ZNF592: variants seen among roughly 807,000 people sequenced by gnomAD.
ZNF592 encodes the protein spinocerebellar ataxia, autosomal recessive 5.
In ZNF592, 11 loss-of-function variants were observed where a neutral mutation model predicts 80.3. The observed-to-expected ratio is 0.14, with a 90% CI of 0.09 to 0.23. The LOEUF is 0.23. Among genes scored for constraint, ZNF592 ranks in the 10% least tolerant of loss-of-function variants. The pLI is 1.00. For synonymous variants in ZNF592, 646 were observed against 640.3 expected (o/e 1.01, Z -0.13); for missense variants, 1,420 against 1,633.9 (o/e 0.87, Z 2.26).
At chr15:84,778,658 A>G (rs777071749) in intron 3 of ZNF592, among the ~76,000 whole-genome samples, 51 of 152,172 alleles carry the variant, frequency 3.4e-4, no homozygotes, top group Non-Finnish European at 6.5e-4. Context: ...AGGCTTCCCA[A>G]TGACCCCTTT....
chr15:84,767,386 G>A (rs67784785), intron 2 of ZNF592, among the ~76,000 whole-genome samples: 8,919 of 152,094 alleles, frequency 0.059, 325 homozygotes, highest in African/African-American at 0.074. Flanking sequence ...GCAGGTCTGA[G>A]GCTGCTGGCT....
In ZNF592 at chr15:84,784,358, C is replaced by T. The variant is rs1321687640; in HGVS notation, c.1683C>T (p.Ser561=). Residue 561 remains serine, a synonymous_variant, in exon 4 of 11, where the codon AGC becomes AGT. Coordinates refer to ENST00000560079, the MANE Select transcript of ZNF592 (RefSeq NM_014630.3). This position sits in a 1 kb window ranked among gnomAD's most constrained non-coding sequence, Gnocchi z 5.8. ...AGGTCTTCAACAAGGTCCTTCACAGCTCCAACCCCGTGCCCCTCTATGCGC... is the reference window on the plus strand; with the variant it reads ...AGGTCTTCAACAAGGTCCTTCACAGTTCCAACCCCGTGCCCCTCTATGCGC... The part of the protein sequence containing the change: ...IVEVFNKVLH[S]SNPVPLYAPN... The T allele has an allele frequency of 6.2e-7, 1 of 1,614,222 alleles. No homozygotes were observed. Among genetic ancestry groups the T allele is most frequent in the Non-Finnish European group, 8.5e-7 (1 of 1,180,046 alleles).
intron 1 of ZNF592, among the ~76,000 whole-genome samples, chr15:84,763,208 G>T (rs567579150): frequency 3.3e-5 from 5 of 152,324 alleles, no homozygotes; most frequent in Admixed American, 3.3e-4. Context: ...TCCTTGTGCA[G>T]TGTGAAGAGT....
At chr15:84,758,103 G>T (rs182304117) in intron 1 of ZNF592, among the ~76,000 whole-genome samples, 1 of 151,820 alleles carries the variant, frequency 6.6e-6, no homozygotes, top group East Asian at 1.9e-4. Context: ...CTCCCGAGTA[G>T]CTGGGACTAC....
chr15:84,785,616 A>C (rs117410534), intron 4 of ZNF592, among the ~76,000 whole-genome samples: 1,994 of 152,252 alleles, frequency 0.013, 21 homozygotes, highest in African/African-American at 0.026. Flanking sequence ...CCAGCCAAAG[A>C]ACTGTGTCTT....
At chr15:84,774,858 G>A (rs548621679) in intron 2 of ZNF592, among the ~76,000 whole-genome samples, 1 of 152,160 alleles carries the variant, frequency 6.6e-6, no homozygotes, top group East Asian at 1.9e-4. Context: ...TCGGCTCACT[G>A]TAACCTCTGC....
intron 3 of ZNF592, among the ~76,000 whole-genome samples, chr15:84,779,019 A>G (rs1414561930): frequency 6.6e-6 from 1 of 152,188 alleles, no homozygotes; most frequent in East Asian, 1.9e-4. Context: ...TAAGGAGTGG[A>G]GCATTTAATA....
Position 84,784,562 on chromosome 15 carries a change from G to A in ZNF592, c.1887G>A (p.Lys629=), listed in dbSNP as rs953532142. Residue 629 remains lysine, a synonymous_variant, in exon 4 of 11, where the codon AAG becomes AAA. Coordinates refer to ENST00000560079, the MANE Select transcript of ZNF592 (RefSeq NM_014630.3). This position sits in a 1 kb window ranked among gnomAD's most constrained non-coding sequence, Gnocchi z 5.8. The part of the protein sequence containing the change: ...LCSKTLLFFN[K]CSLLRHARDH... ...CCAAGACGCTGCTCTTCTTCAACAAGTGCAGCCTGCTCCGGCACGCCCGTG... is the reference window on the plus strand; with the variant it reads ...CCAAGACGCTGCTCTTCTTCAACAAATGCAGCCTGCTCCGGCACGCCCGTG... 1.2e-6 allele frequency: 2 copies of A among 1,614,212 alleles called. No individual in the cohort carries two copies. Among genetic ancestry groups the A allele is most frequent in the Non-Finnish European group, 1.7e-6 (2 of 1,180,044 alleles).
At chr15:84,770,613 C>T (rs1899670704) in intron 2 of ZNF592, among the ~76,000 whole-genome samples, 1 of 151,980 alleles carries the variant, frequency 6.6e-6, no homozygotes, top group African/African-American at 2.4e-5. Flanking sequence ...GACTGTTCCC[C>T]TCTCTGAGCC....
Position 84,783,001 on chromosome 15 carries a change from A to T in ZNF592, c.326A>T (p.Lys109Ile). 1.2e-6 allele frequency: 2 copies of T among 1,614,082 alleles called. No individual in the cohort carries two copies. The highest frequency in any genetic ancestry group is 8.5e-7 in the Non-Finnish European group (1 of 1,180,020). ...DLPPDPHNCG[K>I]FDSTFMNGDS... ...CCTCCAGATCCCCACAACTGTGGGAAATTTGATTCTACTTTTATGAATGGA... is the reference window on the plus strand; with the variant it reads ...CCTCCAGATCCCCACAACTGTGGGATATTTGATTCTACTTTTATGAATGGA... The change falls in exon 4 of 11, where the codon AAA (lysine) becomes ATA (isoleucine). Residue 109 changes from lysine to isoleucine, a missense_variant. Coordinates refer to ENST00000560079, the MANE Select transcript of ZNF592 (RefSeq NM_014630.3). The surrounding 1 kb of genome is among the most constrained non-coding windows in gnomAD (Gnocchi z 5.0).
chr15:84,801,292 C>T (rs1250568527), intron 10 of ZNF592, among the ~76,000 whole-genome samples: 1 of 152,016 alleles, frequency 6.6e-6, no homozygotes, highest in Non-Finnish European at 1.5e-5. Context: ...CACTGCACTC[C>T]AGCCTGGGTA....
intron 1 of ZNF592, among the ~76,000 whole-genome samples, chr15:84,756,522 C>T (rs1195099984): frequency 6.6e-6 from 1 of 152,144 alleles, no homozygotes; most frequent in South Asian, 2.1e-4. Context: ...AGAGCTTTGG[C>T]ATTTTCAGAG....
intron 5 of ZNF592, 106 bp downstream of exon 5, chr15:84,790,989 G>C: frequency 7.7e-7 from 1 of 1,305,038 alleles, no homozygotes; most frequent in Non-Finnish European, 1.1e-6. Context: ...TTGGGTTCCA[G>C]TCTACACAGG....
At chr15:84,781,026 A>G (rs1331516100) in intron 3 of ZNF592, among the ~76,000 whole-genome samples, 2 of 151,922 alleles carry the variant, frequency 1.3e-5, no homozygotes, top group Admixed American at 1.3e-4. Flanking sequence ...AGATTTCATA[A>G]TGAGAATTTT....
intron 1 of ZNF592, among the ~76,000 whole-genome samples, chr15:84,754,960 G>GTT (rs1464867187): frequency 1.6e-5 from 2 of 128,004 alleles, no homozygotes; most frequent in African/African-American, 5.6e-5. Flanking sequence ...AATCCCCTGA[G>GTT]TTGTTTTTTT....
chr15:84,801,679 G>T (rs1449179386), intron 10 of ZNF592, among the ~76,000 whole-genome samples, 184 bp from the exon 11 acceptor site: 9 of 152,162 alleles, frequency 5.9e-5, no homozygotes, highest in Admixed American at 5.9e-4. Flanking sequence ...GGAGTATTGT[G>T]ACACATGCAT....
intron 2 of ZNF592, among the ~76,000 whole-genome samples, chr15:84,771,492 A>G (rs1444841661): frequency 6.6e-6 from 1 of 152,104 alleles, no homozygotes; most frequent in Non-Finnish European, 1.5e-5. Context: ...AATGAAAGGT[A>G]TCCTGGCAAG....
rs1315536534 is a variant in ZNF592 at position 84,794,053 on chromosome 15, T to TC, written c.2399+3171dup. On this transcript the variant is annotated intron_variant, in intron 5 of 10. Transcript: ENST00000560079. ...TAGAATAGCTGGGTCAAATAGTAAC[T>TC]CTGTAGGGAGGGGAACATCACACAC... is the stretch of plus-strand genomic sequence containing the variant. Among the ~76,000 whole-genome samples the TC allele has an allele frequency of 2.0e-5, 3 of 151,906 alleles. No individual in the cohort carries two copies. The East Asian group carries it at 5.8e-4, about 29-fold the overall frequency.
intron 1 of ZNF592, among the ~76,000 whole-genome samples, chr15:84,759,842 T>C (rs1899288969): frequency 6.6e-6 from 1 of 152,050 alleles, no homozygotes; most frequent in South Asian, 2.1e-4. Flanking sequence ...TGGGCCCACC[T>C]TGGTGGTCCT....
Sources: gnomAD v4.1 joint callset for allele counts (sites outside exome capture counted in the v4.1 genomes callset) on GRCh38, gnomAD v4.1.1 for gene constraint, Gnocchi (gnomAD v3.1) non-coding constraint, MANE v1.5 for transcripts, NCBI Gene and HGNC (gene_info 2026-07-23, HGNC 2026-07-21) for gene names.